L3MBTL3: variants seen among roughly 807,000 people sequenced by gnomAD.
The protein encoded by L3MBTL3 is lethal(3)malignant brain tumor-like protein 3.
L3MBTL3 carries 27 observed loss-of-function variants against 102.3 expected under a neutral mutation model. The observed-to-expected ratio is 0.26, with a 90% CI of 0.19 to 0.36. The LOEUF (loss-of-function observed/expected upper bound fraction) is 0.36, where lower values mean the gene tolerates loss of function less well. L3MBTL3 is among the 10% of genes least tolerant of loss of function. L3MBTL3 has a pLI of 1.00. For synonymous variants in L3MBTL3, 340 were observed against 320.9 expected (o/e 1.06, Z -0.64); for missense variants, 798 against 955.3 (o/e 0.84, Z 2.17).
intron 3 of L3MBTL3, among the ~76,000 whole-genome samples, chr6:130,044,090 A>T (rs1157759265): frequency 2.0e-5 from 3 of 152,226 alleles, no homozygotes; most frequent in Admixed American, 1.3e-4. Context: ...TATGACAGAG[A>T]AAGGTTGCTG....
At chr6:130,130,773 T>C (rs967581487) in intron 20 of L3MBTL3, among the ~76,000 whole-genome samples, 4 of 152,204 alleles carry the variant, frequency 2.6e-5, no homozygotes, top group Admixed American at 6.5e-5. Context: ...ATGTTTCATG[T>C]GGAGCAGACA....
chr6:130,074,465 G>C (rs1339826701), intron 13 of L3MBTL3, among the ~76,000 whole-genome samples: 1 of 152,150 alleles, frequency 6.6e-6, no homozygotes, highest in African/African-American at 2.4e-5. Context: ...AGATGTAATA[G>C]AATATTGCCA....
At chr6:130,033,272 C>A (rs1348095028) in intron 2 of L3MBTL3, among the ~76,000 whole-genome samples, 2 of 152,100 alleles carry the variant, frequency 1.3e-5, no homozygotes, top group Non-Finnish European at 2.9e-5. Flanking sequence ...AGTGGGGAGA[C>A]TCCTTGGAGA....
intron 7 of L3MBTL3, among the ~76,000 whole-genome samples, chr6:130,054,172 T>C (rs1377602528): frequency 6.6e-6 from 1 of 152,156 alleles, no homozygotes; most frequent in African/African-American, 2.4e-5. Flanking sequence ...GGAAAGTCCT[T>C]AAGGTAAGAA....
Position 130,049,356 on chromosome 6 carries a change from T to C in L3MBTL3, c.177T>C (p.Thr59=). Reference sequence around the variant, plus strand: ...AGATGGAAAATGTTAAAAAAGCAACTGCTACCACCACTTGGATGGTACCAA... The same window carrying C: ...AGATGGAAAATGTTAAAAAAGCAACCGCTACCACCACTTGGATGGTACCAA... ...ENEMENVKKA[T]ATTTWMVPTA... is the part of the protein sequence containing the mutation. The change falls in exon 4 of 23, where the codon ACT becomes ACC. Residue 59 remains threonine (T), a synonymous_variant. Coordinates refer to ENST00000361794, the MANE Select transcript of L3MBTL3 (RefSeq NM_032438.4). 1 of 1,612,746 alleles carries C rather than the reference T, an allele frequency of 6.2e-7. No homozygotes were observed. Among genetic ancestry groups the C allele is most frequent in the Non-Finnish European group, 8.5e-7 (1 of 1,178,820 alleles).
At chr6:130,039,464 C>G (rs1367626637) in intron 2 of L3MBTL3, among the ~76,000 whole-genome samples, 4 of 152,028 alleles carry the variant, frequency 2.6e-5, no homozygotes, top group African/African-American at 9.6e-5. Context: ...TTCTTAAATC[C>G]CTTTTCATCT....
intron 18 of L3MBTL3, among the ~76,000 whole-genome samples, chr6:130,095,740 G>A (rs1416068620): frequency 6.6e-6 from 1 of 152,174 alleles, no homozygotes; most frequent in Non-Finnish European, 1.5e-5. Context: ...ATATGGCGAG[G>A]GCTTTCTTGC....
chr6:130,040,711 T>C (rs1338973405), intron 2 of L3MBTL3, among the ~76,000 whole-genome samples: 4 of 152,158 alleles, frequency 2.6e-5, no homozygotes, highest in African/African-American at 9.7e-5. Flanking sequence ...TTACCAGATA[T>C]CCAAACCCGA....
At chr6:130,094,203 G>C in intron 17 of L3MBTL3, 62 bp from the exon 18 acceptor site, 1 of 1,295,128 alleles carries the variant, frequency 7.7e-7, no homozygotes. Context: ...CCAGACATTT[G>C]ACTCTTCACA....
chr6:130,082,519 A>G (rs192682945), intron 14 of L3MBTL3, among the ~76,000 whole-genome samples: 1 of 152,308 alleles, frequency 6.6e-6, no homozygotes, highest in Admixed American at 6.5e-5. Context: ...ATTTTCTCAG[A>G]TAGTAACCAG....
chr6:130,086,295 A>G (rs749740498), intron 16 of L3MBTL3, 45 bp downstream of exon 16: 1 of 1,302,160 alleles, frequency 7.7e-7, no homozygotes, highest in Non-Finnish European at 1.1e-6. Context: ...TTGTTATAAG[A>G]TGTTTTAGAT....
intron 9 of L3MBTL3, among the ~76,000 whole-genome samples, chr6:130,058,356 G>A (rs924207651): frequency 7.9e-5 from 12 of 152,076 alleles, no homozygotes; most frequent in African/African-American, 2.9e-4. Flanking sequence ...GTTGGGGTCC[G>A]GGTGTGGTGG....
chr6:130,114,812 T>C lies in L3MBTL3; in HGVS notation c.1887-6067T>C, dbSNP rs116401952. Among the ~76,000 whole-genome samples the C allele has an allele frequency of 5.7e-3, 870 of 152,324 alleles. 13 individuals carry two copies. The highest frequency in any genetic ancestry group is 0.019 in the African/African-American group (809 of 41,576). ...TCTTTATTTGAATGTTACTCATAGT[T>C]GCAGAAGTTTTAGTCCCAAGTCCCA... On this transcript the variant is annotated intron_variant, in intron 19 of 22. Coordinates refer to ENST00000361794, the MANE Select transcript of L3MBTL3 (RefSeq NM_032438.4).
intron 1 of L3MBTL3, among the ~76,000 whole-genome samples, chr6:130,019,964 G>A (rs2114376072): frequency 7.4e-6 from 1 of 135,874 alleles, no homozygotes; most frequent in Admixed American, 7.1e-5. Flanking sequence ...GCGGGCGCGG[G>A]CGTGTGTCGG....
chr6:130,091,378 T>C (rs1200813432), intron 16 of L3MBTL3, among the ~76,000 whole-genome samples: 1 of 152,196 alleles, frequency 6.6e-6, no homozygotes, highest in Non-Finnish European at 1.5e-5. Flanking sequence ...TCAGTTGATA[T>C]AACTGGCAAA....
chr6:130,028,636 T>TA (rs964118655), intron 2 of L3MBTL3, among the ~76,000 whole-genome samples: 1 of 152,220 alleles, frequency 6.6e-6, no homozygotes, highest in Non-Finnish European at 1.5e-5. Flanking sequence ...TCAGAGTACT[T>TA]ATCAGGCAGG....
At chr6:130,072,346 A>G (rs1385808450) in intron 13 of L3MBTL3, among the ~76,000 whole-genome samples, 1 of 152,190 alleles carries the variant, frequency 6.6e-6, no homozygotes, top group Non-Finnish European at 1.5e-5. Flanking sequence ...TGTAGGTTAT[A>G]TGCAATTACT....
At chr6:130,104,965 T>C (rs571642291) in intron 19 of L3MBTL3, among the ~76,000 whole-genome samples, 6 of 152,340 alleles carry the variant, frequency 3.9e-5, no homozygotes, top group Non-Finnish European at 8.8e-5. Flanking sequence ...TTATTTCTTT[T>C]AGTGCTCATT....
At chr6:130,109,617 G>T (rs183461069) in intron 19 of L3MBTL3, among the ~76,000 whole-genome samples, 1 of 152,164 alleles carries the variant, frequency 6.6e-6, no homozygotes, top group African/African-American at 2.4e-5. Context: ...ACCTTTGTCA[G>T]ATGGGTAGCT....
Sources: gnomAD v4.1 joint callset for allele counts (sites outside exome capture counted in the v4.1 genomes callset) on GRCh38, gnomAD v4.1.1 for gene constraint, MANE v1.5 for transcripts, NCBI Gene and HGNC (gene_info 2026-07-23, HGNC 2026-07-21) for gene names.